Variants in UBTD2 observed in about 807,000 individuals in gnomAD.
UBTD2 encodes the protein ubiquitin domain-containing protein 2.
A neutral mutation model predicts 19.8 loss-of-function variants in UBTD2; 9 were observed. The observed-to-expected ratio is 0.46, with a 90% CI of 0.27 to 0.79. UBTD2 has a LOEUF of 0.79. Among genes scored for constraint, UBTD2 ranks in the 30% least tolerant of loss-of-function variants. UBTD2 has a pLI of 0.14. For synonymous variants in UBTD2, 98 were observed against 103.9 expected, an observed-to-expected ratio of 0.94 and a Z score of 0.35; for missense variants, 250 against 300.4, an observed-to-expected ratio of 0.83 and a Z score of 1.24.
At chr5:172,234,476 TGCTA>T in intron 1 of UBTD2, 118 bp from the exon 2 acceptor site, 1 of 861,092 alleles carries the variant, frequency 1.2e-6, no homozygotes, top group African/African-American at 1.7e-5. Flanking sequence ...GAAATTTACC[TGCTA>T]GCTAATTTGT....
At chr5:172,260,723 G>C (rs543412271) in intron 1 of UBTD2, among the ~76,000 whole-genome samples, 1 of 152,088 alleles carries the variant, frequency 6.6e-6, no homozygotes, top group South Asian at 2.1e-4. Context: ...TGTCTCACTC[G>C]ATGTCCATTC....
At chr5:172,268,592 A>T (rs1236617830) in intron 1 of UBTD2, among the ~76,000 whole-genome samples, 1 of 152,128 alleles carries the variant, frequency 6.6e-6, no homozygotes, top group East Asian at 1.9e-4. Context: ...ACCAAAAAAT[A>T]GACAAATTAG....
At chr5:172,234,080 GTTGA>G (rs769591141) in intron 2 of UBTD2, 38 bp downstream of exon 2, 1 of 1,590,868 alleles carries the variant, frequency 6.3e-7, no homozygotes, top group Admixed American at 1.7e-5. Flanking sequence ...CAGAAACAAA[GTTGA>G]TTATGTTTCC....
intron 2 of UBTD2, among the ~76,000 whole-genome samples, chr5:172,224,649 T>G (rs1041936759): frequency 4.6e-5 from 7 of 152,212 alleles, no homozygotes; most frequent in Non-Finnish European, 8.8e-5. Flanking sequence ...TTCTCTCTCC[T>G]GCTGCCATGT....
chr5:172,239,087 C>CA (rs36045602), intron 1 of UBTD2, among the ~76,000 whole-genome samples: 215 of 150,442 alleles, frequency 1.4e-3, no homozygotes, highest in Non-Finnish European at 2.3e-3. Context: ...AACTAACTGC[C>CA]AAAAAAAAAT....
At chr5:172,223,691 A>AAGC (rs1196008162) in intron 2 of UBTD2, among the ~76,000 whole-genome samples, 2 of 151,782 alleles carry the variant, frequency 1.3e-5, no homozygotes, top group Non-Finnish European at 1.5e-5. Context: ...ATCCTTACAA[A>AAGC]AGCATTATAA....
chr5:172,278,768 A>G (rs972922161), intron 1 of UBTD2, among the ~76,000 whole-genome samples: 1 of 152,020 alleles, frequency 6.6e-6, no homozygotes, highest in Non-Finnish European at 1.5e-5. Context: ...GTTTTGCCAC[A>G]ATTTTATTTT....
chr5:172,262,939 T>C (rs1031272697), intron 1 of UBTD2, among the ~76,000 whole-genome samples: 4 of 152,172 alleles, frequency 2.6e-5, no homozygotes, highest in Admixed American at 2.0e-4. Flanking sequence ...AACTAGTTTT[T>C]TGTTGTTTTA....
intron 1 of UBTD2, among the ~76,000 whole-genome samples, chr5:172,254,260 C>A (rs1429002313): frequency 6.6e-6 from 1 of 152,046 alleles, no homozygotes; most frequent in African/African-American, 2.4e-5. Flanking sequence ...CCACCACGCC[C>A]GGTTAATTTT....
chr5:172,277,444 C>T (rs180735974), intron 1 of UBTD2, among the ~76,000 whole-genome samples: 10 of 152,184 alleles, frequency 6.6e-5, no homozygotes, highest in East Asian at 5.8e-4. Context: ...CGGTGGCTCA[C>T]GTCTGTAATC....
At chr5:172,273,590 C>CAAAAAAAAAAAA (rs35687001) in intron 1 of UBTD2, among the ~76,000 whole-genome samples, 1 of 36,422 alleles carries the variant, frequency 2.7e-5, no homozygotes, top group African/African-American at 1.1e-4. Context: ...GACTCCGTCT[C>CAAAAAAAAAAAA]AAAAAAAAAA....
At chr5:172,273,825 T>C (rs1052717034) in intron 1 of UBTD2, among the ~76,000 whole-genome samples, 2 of 152,152 alleles carry the variant, frequency 1.3e-5, no homozygotes, top group African/African-American at 4.8e-5. Context: ...TTGACCTATA[T>C]ATTAGGTTCT....
In UBTD2 at chr5:172,211,976, C is replaced by T; in HGVS notation, c.559G>A (p.Val187Met). The T allele has an allele frequency of 2.5e-6, 4 of 1,614,220 alleles. No homozygotes were observed. The highest frequency in any genetic ancestry group is 1.1e-5 in the South Asian group (1 of 91,086). Residue 187 changes from valine to methionine, a missense_variant, in exon 3 of 3, where the codon GTG (valine) becomes ATG (methionine). Val to Met is a conservative substitution (Grantham distance 21). Transcript: ENST00000393792. ...AACCACCGCTGACTACCTGGTTCCA[C>T]TCCCTCTGCTGCATGCAACCGTCTC... ...MKRRLHAAEG[V>M]EPGSQRWFFS... is the part of the protein sequence containing the mutation.
chr5:172,247,734 C>T (rs868753233), intron 1 of UBTD2, among the ~76,000 whole-genome samples: 1 of 152,174 alleles, frequency 6.6e-6, no homozygotes. Flanking sequence ...ACAAACAATA[C>T]TTGGAAACCT....
intron 2 of UBTD2, among the ~76,000 whole-genome samples, chr5:172,225,897 C>A (rs1045971225): frequency 2.0e-5 from 3 of 150,750 alleles, no homozygotes; most frequent in African/African-American, 7.3e-5. Context: ...TGTCTTTGCT[C>A]CTGACTTCTC....
At chr5:172,282,759 CTGAT>C (rs1755743555) in intron 1 of UBTD2, among the ~76,000 whole-genome samples, 1 of 152,166 alleles carries the variant, frequency 6.6e-6, no homozygotes, top group Non-Finnish European at 1.5e-5. Context: ...ACAACTACTA[CTGAT>C]TGAATTAAAA....
chr5:172,260,938 T>C (rs765727458), intron 1 of UBTD2, among the ~76,000 whole-genome samples: 12 of 152,188 alleles, frequency 7.9e-5, no homozygotes, highest in African/African-American at 1.2e-4. Flanking sequence ...CCAGGGTTTG[T>C]TGAATAGGCC....
chr5:172,283,052 G>A lies in UBTD2; in HGVS notation c.70+544C>T, dbSNP rs1755751319. On this transcript the variant is annotated intron_variant, in intron 1 of 2. Transcript: ENST00000393792. This position sits in a 1 kb window ranked among gnomAD's most constrained non-coding sequence, Gnocchi z 4.3. ...TAATACAATGCCTGCGGCCACTGGA[G>A]ACTCCTCCAGCCGAGCTCCAGAAAC... Among the ~76,000 whole-genome samples the A allele has an allele frequency of 6.6e-6, 1 of 152,078 alleles. No individual in the cohort carries two copies. Among genetic ancestry groups the A allele is most frequent in the Non-Finnish European group, 1.5e-5 (1 of 68,022 alleles).
At chr5:172,281,161 A>G (rs894063782) in intron 1 of UBTD2, among the ~76,000 whole-genome samples, 5 of 152,118 alleles carry the variant, frequency 3.3e-5, no homozygotes, top group Non-Finnish European at 2.9e-5. Context: ...TCATCATCCC[A>G]AAGTGCTGGG....
Sources: allele counts gnomAD v4.1 joint callset (sites outside exome capture counted in the v4.1 genomes callset), GRCh38; gene constraint gnomAD v4.1.1; non-coding constraint Gnocchi (gnomAD v3.1); transcripts MANE v1.5; gene names NCBI Gene and HGNC (gene_info 2026-07-23, HGNC 2026-07-21).